VPS37C: variants seen among roughly 807,000 people sequenced by gnomAD.
VPS37C encodes the protein VPS37C subunit of ESCRT-I, also known as vacuolar protein sorting-associated protein 37C.
In VPS37C, 9 loss-of-function variants were observed where a neutral mutation model predicts 16.1. The ratio of observed to expected loss-of-function variants is 0.56; its 90% CI spans 0.34 to 0.97. The LOEUF is 0.97. Among genes scored for constraint, VPS37C ranks in the 50% least tolerant of loss-of-function variants. The pLI is 0.02. For missense variants in VPS37C, 479 were observed against 472.7 expected, an observed-to-expected ratio of 1.01 and a Z score of -0.12; for synonymous variants, 207 against 206.4, an observed-to-expected ratio of 1.00 and a Z score of -0.02.
Position 61,137,269 on chromosome 11 carries a change from T to C in VPS37C, c.93+1468A>G, listed in dbSNP as rs548963413. On this transcript the variant is annotated intron_variant, in intron 2 of 4. Coordinates refer to ENST00000301765, the MANE Select transcript of VPS37C (RefSeq NM_017966.5). ...CCACTGTGACTCAATGACTGTCTTATAGCCCACGATAAAAAAGTTTGCCAA... is the reference window on the plus strand; with the variant it reads ...CCACTGTGACTCAATGACTGTCTTACAGCCCACGATAAAAAAGTTTGCCAA... Among the ~76,000 whole-genome samples, 18 of 152,290 alleles carry C rather than the reference T, an allele frequency of 1.2e-4. No individual in the cohort carries two copies. In the South Asian group the frequency reaches 2.3e-3, roughly 19 times the overall value.
At chr11:61,155,547 T>G (rs1853364928) in intron 1 of VPS37C, among the ~76,000 whole-genome samples, 1 of 151,548 alleles carries the variant, frequency 6.6e-6, no homozygotes, top group African/African-American at 2.4e-5. Flanking sequence ...ACTACTGATA[T>G]GAAACAATGC....
At chr11:61,156,189 C>T (rs571636069) in intron 1 of VPS37C, among the ~76,000 whole-genome samples, 2 of 152,262 alleles carry the variant, frequency 1.3e-5, no homozygotes, top group Admixed American at 6.5e-5. Flanking sequence ...AAATTGAAAA[C>T]AAATAGCAAG....
At chr11:61,151,816 G>T (rs1027462924) in intron 1 of VPS37C, among the ~76,000 whole-genome samples, 1 of 152,190 alleles carries the variant, frequency 6.6e-6, no homozygotes, top group Non-Finnish European at 1.5e-5. Context: ...CAAAATGACG[G>T]CCAAGAAACA....
chr11:61,132,707 ACTGT>A (rs1861294311), intron 4 of VPS37C, 168 bp from the exon 5 acceptor site: 1 of 868,570 alleles, frequency 1.2e-6, no homozygotes, highest in Admixed American at 3.0e-5. Context: ...TGGTACATGC[ACTGT>A]CTCCCTCACT....
intron 1 of VPS37C, among the ~76,000 whole-genome samples, chr11:61,159,066 C>A (rs937220029): frequency 6.6e-6 from 1 of 152,204 alleles, no homozygotes; most frequent in African/African-American, 2.4e-5. Context: ...CTTGAGTGAT[C>A]TAATTTTGTC....
chr11:61,139,960 C>G (rs1357051488), intron 1 of VPS37C, among the ~76,000 whole-genome samples: 1 of 152,134 alleles, frequency 6.6e-6, no homozygotes, highest in East Asian at 1.9e-4. Context: ...CCAGGCTGGT[C>G]TCGAACTACT....
intron 1 of VPS37C, among the ~76,000 whole-genome samples, chr11:61,142,420 G>T (rs893683054): frequency 3.3e-5 from 5 of 152,002 alleles, no homozygotes; most frequent in Non-Finnish European, 7.4e-5. Flanking sequence ...GTTTTGTAAA[G>T]ATGGGGTCTC....
chr11:61,133,020 G>A (rs1304901657), intron 4 of VPS37C: 1 of 640,144 alleles, frequency 1.6e-6, no homozygotes, highest in African/African-American at 1.8e-5. Context: ...CTACCATCCA[G>A]GGCTGCGAGC....
chr11:61,137,244 C>A (rs571437168), intron 2 of VPS37C, among the ~76,000 whole-genome samples: 1 of 152,200 alleles, frequency 6.6e-6, no homozygotes, highest in South Asian at 2.1e-4. Context: ...TCTCACAATC[C>A]CACTGTGACT....
At chr11:61,148,649 T>C (rs1005042648) in intron 1 of VPS37C, among the ~76,000 whole-genome samples, 2 of 152,038 alleles carry the variant, frequency 1.3e-5, no homozygotes, top group Non-Finnish European at 2.9e-5. Flanking sequence ...GAACTGACTT[T>C]CCCCACAAGT....
intron 2 of VPS37C, among the ~76,000 whole-genome samples, chr11:61,136,405 C>T (rs1444016516): frequency 1.3e-5 from 2 of 152,054 alleles, no homozygotes; most frequent in African/African-American, 4.8e-5. Flanking sequence ...AACTCCTGAC[C>T]TCAGGTCTTC....
intron 2 of VPS37C, among the ~76,000 whole-genome samples, chr11:61,137,669 C>A (rs997142365): frequency 1.3e-5 from 2 of 152,188 alleles, no homozygotes; most frequent in Non-Finnish European, 2.9e-5. Flanking sequence ...GGGGCTTCGA[C>A]AAGCAAGCTT....
At chr11:61,146,443 G>A (rs1385154618) in intron 1 of VPS37C, among the ~76,000 whole-genome samples, 1 of 152,236 alleles carries the variant, frequency 6.6e-6, no homozygotes, top group Non-Finnish European at 1.5e-5. Context: ...GCGTAACAGA[G>A]GCAGAGACCA....
intron 1 of VPS37C, among the ~76,000 whole-genome samples, chr11:61,147,485 C>T (rs993447317): frequency 6.6e-6 from 1 of 152,096 alleles, no homozygotes; most frequent in Non-Finnish European, 1.5e-5. Context: ...CCAAAGGCAG[C>T]GCCACGTCCC....
At chr11:61,135,252 C>A (rs1188161751) in intron 2 of VPS37C, among the ~76,000 whole-genome samples, 1 of 152,226 alleles carries the variant, frequency 6.6e-6, no homozygotes, top group Non-Finnish European at 1.5e-5. Context: ...CGGGGAAAGG[C>A]TACCCCTTCT....
chr11:61,147,699 A>AAC, intron 1 of VPS37C, among the ~76,000 whole-genome samples: 1 of 137,300 alleles, frequency 7.3e-6, no homozygotes, highest in South Asian at 2.6e-4. Flanking sequence ...AACCTTCAAC[A>AAC]AAAAAAAAAA....
Position 61,138,822 on chromosome 11 carries a change from G to C in VPS37C, c.8C>G (p.Thr3Arg). The C allele has an allele frequency of 6.2e-7, 1 of 1,614,038 alleles. No individual in the cohort carries two copies. The highest frequency in any genetic ancestry group is 8.5e-7 in the Non-Finnish European group (1 of 1,180,018). METLKDKTLQELE... is the reference protein window; with the variant it reads MERLKDKTLQELE... ...CTCCTGCAGGGTCTTATCCTTCAGC[G>C]TCTCCATCCTTCCCTGTGAACACAG... Residue 3 changes from threonine (T) to arginine (R), a missense_variant, in exon 2 of 5, where the codon ACG becomes AGG. Coordinates refer to ENST00000301765, the MANE Select transcript of VPS37C (RefSeq NM_017966.5).
chr11:61,151,123 C>A (rs968351026), intron 1 of VPS37C, among the ~76,000 whole-genome samples: 3 of 152,218 alleles, frequency 2.0e-5, no homozygotes. Context: ...ACGGCCCACG[C>A]GCCTCACTGT....
At chr11:61,142,664 A>G (rs1435323875) in intron 1 of VPS37C, among the ~76,000 whole-genome samples, 1 of 152,050 alleles carries the variant, frequency 6.6e-6, no homozygotes, top group Non-Finnish European at 1.5e-5. Context: ...GAGTGAAGAA[A>G]GAAAATAATG....
Sources: gnomAD v4.1 joint callset for allele counts (sites outside exome capture counted in the v4.1 genomes callset) on GRCh38, gnomAD v4.1.1 for gene constraint, MANE v1.5 for transcripts, NCBI Gene and HGNC (gene_info 2026-07-23, HGNC 2026-07-21) for gene names.